Variants in SDK1 observed in about 807,000 individuals in gnomAD.
The protein encoded by SDK1 is protein sidekick-1.
In SDK1, 157 loss-of-function variants were observed where a neutral mutation model predicts 245.5. The observed-to-expected ratio is 0.64, with a 90% CI of 0.56 to 0.73. The LOEUF (loss-of-function observed/expected upper bound fraction) is 0.73, where lower values mean the gene tolerates loss of function less well. SDK1 is among the 30% of genes least tolerant of loss of function. The probability of loss-of-function intolerance (pLI) is 0.00; values close to 1 mark genes in which losing one functional copy is unlikely to be tolerated. For missense variants in SDK1, 3,583 were observed against 3,002.3 expected (o/e 1.19, Z -4.52); for synonymous variants, 1,647 against 1,278.5 (o/e 1.29, Z -6.15).
At chr7:3,421,628 T>G (rs1225403680) in intron 1 of SDK1, among the ~76,000 whole-genome samples, 4 of 152,204 alleles carry the variant, frequency 2.6e-5, no homozygotes, top group African/African-American at 9.7e-5. Flanking sequence ...GAATGGACAT[T>G]TTCTACATTG....
chr7:3,612,356 C>T (rs1452699937), intron 1 of SDK1, among the ~76,000 whole-genome samples: 2 of 152,156 alleles, frequency 1.3e-5, no homozygotes, highest in South Asian at 2.1e-4. Context: ...TAAACCTCAC[C>T]CCAGAAGTAC....
chr7:4,000,970 C>T (rs1038698171), intron 14 of SDK1, among the ~76,000 whole-genome samples: 2 of 152,276 alleles, frequency 1.3e-5, no homozygotes, highest in South Asian at 2.1e-4. Flanking sequence ...TCTGCTTCTG[C>T]GTTCACTTCC....
intron 21 of SDK1, among the ~76,000 whole-genome samples, chr7:4,077,839 T>A (rs1780794574): frequency 6.6e-6 from 1 of 152,338 alleles, no homozygotes; most frequent in South Asian, 2.1e-4. Flanking sequence ...ATGTGGGAGT[T>A]ACAATTCAAG....
At chr7:4,056,097 A>G (rs1333071657) in intron 19 of SDK1, among the ~76,000 whole-genome samples, 4 of 149,364 alleles carry the variant, frequency 2.7e-5, no homozygotes, top group Non-Finnish European at 5.9e-5. Context: ...AAAAATGTCT[A>G]TTTCTCCTTT....
intron 1 of SDK1, among the ~76,000 whole-genome samples, chr7:3,499,988 A>G (rs975958263): frequency 1.3e-5 from 2 of 152,206 alleles, no homozygotes; most frequent in Non-Finnish European, 2.9e-5. Context: ...TGACGGAGAT[A>G]GAGTGGGAAC....
chr7:4,214,482 C>T (rs536916000), intron 38 of SDK1, among the ~76,000 whole-genome samples: 1 of 152,342 alleles, frequency 6.6e-6, no homozygotes, highest in African/African-American at 2.4e-5. Context: ...ATTTTCCTGG[C>T]TTTGCAACCG....
At chr7:4,028,705 C>A (rs1437513485) in intron 17 of SDK1, among the ~76,000 whole-genome samples, 1 of 152,376 alleles carries the variant, frequency 6.6e-6, no homozygotes, top group African/African-American at 2.4e-5. Flanking sequence ...ATTGGCCACA[C>A]TGACTTCCAG....
In SDK1 at chr7:3,974,369, C is replaced by G. The variant is rs144399003; in HGVS notation, c.1818C>G (p.Arg606=). 2.9e-5 allele frequency: 46 copies of G among 1,611,064 alleles called. No homozygotes were observed. The highest frequency in any genetic ancestry group is 3.7e-5 in the Non-Finnish European group (44 of 1,177,550). ...TCAAGACCCTTTGCTTGGCCCACAG[C>G]TACGTTTGGAAGAAGGACAACGTGG... ...GATHDPRVSL[R]YVWKKDNVAL... The change falls in exon 13 of 45, where the codon CGC becomes CGG. Residue 606 remains arginine (R), a splice_region_variant and synonymous_variant. Coordinates refer to ENST00000404826, the MANE Select transcript of SDK1 (RefSeq NM_152744.4).
intron 1 of SDK1, among the ~76,000 whole-genome samples, chr7:3,461,842 G>A (rs190031366): frequency 6.6e-6 from 1 of 152,210 alleles, no homozygotes; most frequent in Admixed American, 6.5e-5. Flanking sequence ...TGGGTTTTGA[G>A]TTCCATCTTT....
intron 4 of SDK1, among the ~76,000 whole-genome samples, chr7:3,727,647 C>T (rs982518335): frequency 5.9e-5 from 9 of 152,004 alleles, no homozygotes; most frequent in South Asian, 4.2e-4. Context: ...CACACCAGCG[C>T]GTCCGGCTAA....
At chr7:4,017,781 C>T (rs1038395515) in intron 17 of SDK1, among the ~76,000 whole-genome samples, 1 of 152,136 alleles carries the variant, frequency 6.6e-6, no homozygotes, top group Non-Finnish European at 1.5e-5. Context: ...TACTGGTAAT[C>T]GAATTTGCAA....
chr7:3,432,157 A>T (rs1779869857), intron 1 of SDK1, among the ~76,000 whole-genome samples: 2 of 148,460 alleles, frequency 1.3e-5, no homozygotes, highest in South Asian at 4.2e-4. Context: ...TAAAAAATAT[A>T]TATTTTTATA....
At chr7:4,181,018 G>A (rs988988763) in intron 35 of SDK1, among the ~76,000 whole-genome samples, 1 of 152,174 alleles carries the variant, frequency 6.6e-6, no homozygotes, top group Non-Finnish European at 1.5e-5. Context: ...CATTCAGGAT[G>A]GTGAGCAGCC....
At chr7:3,430,263 C>G (rs975442674) in intron 1 of SDK1, among the ~76,000 whole-genome samples, 1 of 152,208 alleles carries the variant, frequency 6.6e-6, no homozygotes, top group African/African-American at 2.4e-5. Context: ...TGCAGTTTCT[C>G]TGACCATATC....
At chr7:4,045,417 A>AT (rs947748449) in intron 17 of SDK1, among the ~76,000 whole-genome samples, 66 of 150,216 alleles carry the variant, frequency 4.4e-4, no homozygotes, top group Middle Eastern at 3.4e-3. Flanking sequence ...TACTTTTTTG[A>AT]TTTTTTTTTG....
chr7:4,012,425 A>G (rs1021220771), intron 16 of SDK1, among the ~76,000 whole-genome samples, 190 bp downstream of exon 16: 8 of 152,096 alleles, frequency 5.3e-5, no homozygotes. Flanking sequence ...GCAGCCGTGC[A>G]GAGACATTCT....
At chr7:3,457,093 C>T (rs1035923862) in intron 1 of SDK1, among the ~76,000 whole-genome samples, 1 of 152,178 alleles carries the variant, frequency 6.6e-6, no homozygotes, top group South Asian at 2.1e-4. Flanking sequence ...CCACTGTTGT[C>T]AGTGCGGTTC....
At chr7:4,205,464 T>C (rs1784163321) in intron 35 of SDK1, among the ~76,000 whole-genome samples, 1 of 152,168 alleles carries the variant, frequency 6.6e-6, no homozygotes, top group Non-Finnish European at 1.5e-5. Context: ...AATGCTTTGA[T>C]CTCACAGCAA....
intron 1 of SDK1, among the ~76,000 whole-genome samples, chr7:3,587,135 C>A (rs138228183): frequency 2.0e-5 from 3 of 152,132 alleles, no homozygotes; most frequent in Non-Finnish European, 2.9e-5. Flanking sequence ...TGGCTAAGTC[C>A]TAACAGAACT....
Sources: allele counts gnomAD v4.1 joint callset (sites outside exome capture counted in the v4.1 genomes callset), GRCh38; gene constraint gnomAD v4.1.1; transcripts MANE v1.5; gene names NCBI Gene and HGNC (gene_info 2026-07-23, HGNC 2026-07-21).